The following IGFL2 variants were observed in gnomAD, a reference collection of about 807,000 sequenced individuals.
IGFL2 encodes IGF like family member 2, also known as insulin growth factor-like family member 2.
A neutral mutation model predicts 13.9 loss-of-function variants in IGFL2; 7 were observed. The observed-to-expected ratio is 0.51, with a 90% CI of 0.29 to 0.95. The LOEUF is 0.95. Among genes scored for constraint, IGFL2 ranks in the 40% least tolerant of loss-of-function variants. IGFL2 has a pLI of 0.08. For synonymous variants in IGFL2, 55 were observed against 55.8 expected (o/e 0.99, Z 0.07); for missense variants, 138 against 147.8 (o/e 0.93, Z 0.34).
At chr19:46,105,453 C>T in the IGFL2 span, among the ~76,000 whole-genome samples, 1 of 151,966 alleles carries the variant, frequency 6.6e-6, no homozygotes, top group Non-Finnish European at 1.5e-5. Context: ...CAAGTGTGAT[C>T]AGGGTGAGGA....
At chr19:46,089,095 C>G in the IGFL2 span, among the ~76,000 whole-genome samples, 1 of 152,142 alleles carries the variant, frequency 6.6e-6, no homozygotes, top group East Asian at 1.9e-4. Context: ...AAGTGATTCT[C>G]TCTAGCAGTA....
chr19:46,111,853 A>G, the IGFL2 span: 3 of 152,238 alleles, frequency 2.0e-5, no homozygotes, highest in African/African-American at 4.8e-5. Context: ...AGAAAAATCT[A>G]TTAATAGAAA....
the IGFL2 span, among the ~76,000 whole-genome samples, chr19:46,181,909 C>A: frequency 6.6e-6 from 1 of 152,180 alleles, no homozygotes; most frequent in African/African-American, 2.4e-5. Flanking sequence ...TCCTTTCTCC[C>A]TCCAGATCTG....
intron 1 of IGFL2, among the ~76,000 whole-genome samples, chr19:46,153,817 G>A (rs867576078): frequency 3.2e-4 from 46 of 145,236 alleles, no homozygotes; most frequent in African/African-American, 9.7e-4. Context: ...TTATATATGT[G>A]TATATATATA....
intron 1 of IGFL2, among the ~76,000 whole-genome samples, chr19:46,158,230 C>T (rs1181740806): frequency 6.6e-6 from 1 of 152,062 alleles, no homozygotes. Context: ...TATTTTGAGA[C>T]AGAGTGTCAC....
the IGFL2 span, among the ~76,000 whole-genome samples, chr19:46,166,583 C>T: frequency 1.9e-3 from 289 of 152,156 alleles, 2 homozygotes; most frequent in African/African-American, 5.1e-3. Context: ...ATTTATTAGG[C>T]GGGAATTTCC....
At chr19:46,182,076 A>G in the IGFL2 span, among the ~76,000 whole-genome samples, 1 of 152,154 alleles carries the variant, frequency 6.6e-6, no homozygotes, top group Admixed American at 6.5e-5. Context: ...TTCAGTGGAT[A>G]AAGAATTCTG....
the IGFL2 span, among the ~76,000 whole-genome samples, chr19:46,166,826 C>A: frequency 5.8e-4 from 88 of 152,294 alleles, 1 homozygote; most frequent in Non-Finnish European, 1.0e-3. Flanking sequence ...GGCTCACCGG[C>A]GGTCAGAGTT....
the IGFL2 span, among the ~76,000 whole-genome samples, chr19:46,192,986 TC>T: frequency 0.15 from 22,801 of 151,594 alleles, 1,919 homozygotes; most frequent in Non-Finnish European, 0.18. Context: ...GGTCAGGAGT[TC>T]GAGACCAGCC....
At chr19:46,188,384 C>CGTTT in the IGFL2 span, among the ~76,000 whole-genome samples, 3 of 152,248 alleles carry the variant, frequency 2.0e-5, no homozygotes, top group Non-Finnish European at 4.4e-5. Flanking sequence ...AGGTCCATCC[C>CGTTT]CAGCCACCGT....
the IGFL2 span, among the ~76,000 whole-genome samples, chr19:46,127,803 C>T: frequency 1.3e-5 from 2 of 151,710 alleles, no homozygotes; most frequent in African/African-American, 4.8e-5. Flanking sequence ...TTAATTTTTT[C>T]GTAAGTTATT....
upstream of IGFL2, among the ~76,000 whole-genome samples, chr19:46,145,226 T>C (rs1973058693): frequency 6.6e-6 from 1 of 152,168 alleles, no homozygotes; most frequent in Non-Finnish European, 1.5e-5. Flanking sequence ...TATATACCAT[T>C]TTCATTTCCA....
the IGFL2 span, among the ~76,000 whole-genome samples, chr19:46,125,935 A>G: frequency 6.6e-6 from 1 of 152,224 alleles, no homozygotes; most frequent in Admixed American, 6.5e-5. Context: ...ACTATTGGGC[A>G]TTGGGAAGTT....
intron 1 of IGFL2, among the ~76,000 whole-genome samples, chr19:46,154,295 C>A (rs1973685628): frequency 6.6e-6 from 1 of 152,112 alleles, no homozygotes; most frequent in African/African-American, 2.4e-5. Flanking sequence ...TTTTAATAGG[C>A]CTGTGGGCTG....
chr19:46,146,086 T>C (rs542361327), upstream of IGFL2, among the ~76,000 whole-genome samples: 1 of 152,282 alleles, frequency 6.6e-6, no homozygotes, highest in Non-Finnish European at 1.5e-5. Context: ...AATACGTAGT[T>C]TTACTTTTCA....
upstream of IGFL2, among the ~76,000 whole-genome samples, chr19:46,144,237 A>G (rs997401768): frequency 6.6e-6 from 1 of 152,254 alleles, no homozygotes; most frequent in African/African-American, 2.4e-5. Context: ...CTGAAATGCC[A>G]ACTTCATATA....
At chr19:46,126,898 A>G in the IGFL2 span, among the ~76,000 whole-genome samples, 1 of 152,154 alleles carries the variant, frequency 6.6e-6, no homozygotes, top group Admixed American at 6.5e-5. Context: ...TGATGATACG[A>G]TGCATCACTA....
intron 1 of IGFL2, among the ~76,000 whole-genome samples, chr19:46,153,477 T>C (rs1973624305): frequency 6.6e-6 from 1 of 152,180 alleles, no homozygotes; most frequent in Non-Finnish European, 1.5e-5. Context: ...TGTTTGTATG[T>C]CTTCTTTTGA....
the IGFL2 span, among the ~76,000 whole-genome samples, chr19:46,086,923 G>A: frequency 6.6e-6 from 1 of 152,186 alleles, no homozygotes; most frequent in African/African-American, 2.4e-5. Flanking sequence ...CATTTTCTCA[G>A]TGGCTTAGGG....
Sources: gnomAD v4.1 joint callset for allele counts (sites outside exome capture counted in the v4.1 genomes callset) on GRCh38, gnomAD v4.1.1 for gene constraint, MANE v1.5 for transcripts, NCBI Gene and HGNC (gene_info 2026-07-23, HGNC 2026-07-21) for gene names.